The following STK33 variants were observed in gnomAD, a reference collection of about 807,000 sequenced individuals.
STK33 encodes serine/threonine-protein kinase 33.
A neutral mutation model predicts 58.0 loss-of-function variants in STK33; 52 were observed. That is an observed-to-expected ratio of 0.90 (90% CI 0.72 to 1.13). STK33 has a LOEUF of 1.13. Among genes scored for constraint, STK33 ranks in the 50% most tolerant of loss-of-function variants. The pLI, the probability that STK33 is intolerant of heterozygous loss-of-function variation, is 0.00. For missense variants in STK33, 630 were observed against 604.2 expected (o/e 1.04, Z -0.45); for synonymous variants, 215 against 200.1 (o/e 1.07, Z -0.63).
At chr11:8,354,517 C>CACACACACACACACACA in the STK33 span, among the ~76,000 whole-genome samples, 126 of 146,282 alleles carry the variant, frequency 8.6e-4, no homozygotes, top group Non-Finnish European at 1.5e-3. Flanking sequence ...CACACACACA[C>CACACACACACACACACA]CCCTCAGACA....
chr11:8,461,221 G>A (rs530762561), intron 8 of STK33, among the ~76,000 whole-genome samples: 12 of 152,156 alleles, frequency 7.9e-5, no homozygotes, highest in Non-Finnish European at 8.8e-5. Context: ...TCTTCTAAGA[G>A]AAAACACCCA....
chr11:8,572,001 A>C (rs1325320760), intron 1 of STK33, among the ~76,000 whole-genome samples: 1 of 149,542 alleles, frequency 6.7e-6, no homozygotes, highest in Non-Finnish European at 1.5e-5. Context: ...AATTTTAAAA[A>C]ATTTAAATTA....
chr11:8,535,202 T>C (rs568645315), intron 1 of STK33, among the ~76,000 whole-genome samples: 139 of 152,328 alleles, frequency 9.1e-4, no homozygotes, highest in African/African-American at 3.2e-3. Flanking sequence ...TAATGGTCCA[T>C]ATACTGAGTT....
intron 8 of STK33, among the ~76,000 whole-genome samples, chr11:8,458,106 G>A (rs555451377): frequency 5.3e-5 from 8 of 152,122 alleles, no homozygotes; most frequent in Non-Finnish European, 4.4e-5. Flanking sequence ...GTTGCGGGGT[G>A]CACGTGTATG....
At chr11:8,504,400 A>G (rs1210917501) in intron 1 of STK33, among the ~76,000 whole-genome samples, 1 of 152,228 alleles carries the variant, frequency 6.6e-6, no homozygotes, top group Non-Finnish European at 1.5e-5. Context: ...TAGCGGTTGT[A>G]ATGTGCTAAA....
rs761011598 is a variant in STK33, at chr11:8,525,712, C to T, written c.-465-45098G>A. Among the ~76,000 whole-genome samples, 10 of 152,038 alleles carry T rather than the reference C, an allele frequency of 6.6e-5. No homozygotes were observed. The East Asian group carries it at 7.7e-4, about 12-fold the overall frequency. On this transcript the variant is annotated intron_variant, in intron 1 of 15. Transcript: ENST00000687296. Reference sequence around the variant, plus strand: ...AGATTTCTTAAATAAAATGCAAAGACGATAAAGCCTTAAGAATTTCTGTTC... The same window carrying T: ...AGATTTCTTAAATAAAATGCAAAGATGATAAAGCCTTAAGAATTTCTGTTC...
chr11:8,551,439 A>G (rs1319474314), intron 1 of STK33, among the ~76,000 whole-genome samples: 2 of 152,054 alleles, frequency 1.3e-5, no homozygotes, highest in African/African-American at 2.4e-5. Flanking sequence ...CTTATTCTGA[A>G]TTCTTTATCA....
chr11:8,493,056 A>G (rs1465185292), intron 1 of STK33, among the ~76,000 whole-genome samples: 1 of 152,228 alleles, frequency 6.6e-6, no homozygotes, highest in Non-Finnish European at 1.5e-5. Context: ...GCAAGAGCAA[A>G]CAAATTCAAT....
intron 5 of STK33, 70 bp from the exon 6 acceptor site, chr11:8,473,346 A>G: frequency 1.1e-6 from 1 of 897,416 alleles, no homozygotes; most frequent in African/African-American, 1.7e-5. Flanking sequence ...AAAGAATCCT[A>G]ATTTAGATAA....
intron 14 of STK33, among the ~76,000 whole-genome samples, chr11:8,420,453 T>C (rs1229597507): frequency 1.3e-5 from 2 of 152,192 alleles, no homozygotes; most frequent in African/African-American, 4.8e-5. Context: ...CAGAAGTGCA[T>C]TTCGAATTGC....
chr11:8,531,338 T>C (rs1388720372), intron 1 of STK33, among the ~76,000 whole-genome samples: 1 of 152,240 alleles, frequency 6.6e-6, no homozygotes, highest in Non-Finnish European at 1.5e-5. Context: ...TATTTACAAA[T>C]GCTGCATAAC....
chr11:8,353,103 T>G, the STK33 span, among the ~76,000 whole-genome samples: 1 of 152,204 alleles, frequency 6.6e-6, no homozygotes, highest in Admixed American at 6.5e-5. Context: ...CAGGTGGGCC[T>G]GGAGGACACA....
the STK33 span, among the ~76,000 whole-genome samples, chr11:8,355,967 C>A: frequency 6.6e-6 from 1 of 152,174 alleles, no homozygotes; most frequent in Admixed American, 6.5e-5. Context: ...GCAGACCTGA[C>A]AAATGGAGTT....
At chr11:8,502,745 T>A (rs1951611709) in intron 1 of STK33, among the ~76,000 whole-genome samples, 1 of 151,864 alleles carries the variant, frequency 6.6e-6, no homozygotes, top group South Asian at 2.1e-4. Flanking sequence ...CTGACAAGGG[T>A]CAAATATCCA....
chr11:8,390,740 A>G (rs940003153), downstream of STK33, among the ~76,000 whole-genome samples: 1 of 152,196 alleles, frequency 6.6e-6, no homozygotes, highest in Non-Finnish European at 1.5e-5. Flanking sequence ...GTGAAGACAC[A>G]CTAACGTGTT....
the STK33 span, among the ~76,000 whole-genome samples, chr11:8,384,163 T>C: frequency 8.6e-5 from 13 of 151,924 alleles, no homozygotes; most frequent in Non-Finnish European, 1.3e-4. Context: ...GAGATGATCA[T>C]ATATGGATAA....
chr11:8,579,972 G>C (rs1012132180), intron 1 of STK33, among the ~76,000 whole-genome samples: 2 of 152,134 alleles, frequency 1.3e-5, no homozygotes, highest in Non-Finnish European at 2.9e-5. Context: ...AATAACAAAT[G>C]CTAGAGGAGA....
intron 1 of STK33, among the ~76,000 whole-genome samples, chr11:8,588,960 C>T (rs1591937779): frequency 6.6e-6 from 1 of 152,008 alleles, no homozygotes; most frequent in Admixed American, 6.6e-5. Context: ...AAATCAAAAC[C>T]ATAATGAGAT....
chr11:8,539,378 C>T (rs1043240160), intron 1 of STK33, among the ~76,000 whole-genome samples: 2 of 152,094 alleles, frequency 1.3e-5, no homozygotes, highest in South Asian at 2.1e-4. Context: ...TTGCCCTGGT[C>T]TGATGAGGCC....
Sources: gnomAD v4.1 joint callset for allele counts (sites outside exome capture counted in the v4.1 genomes callset) on GRCh38, gnomAD v4.1.1 for gene constraint, MANE v1.5 for transcripts, NCBI Gene and HGNC (gene_info 2026-07-23, HGNC 2026-07-21) for gene names.